C1GALT1: variants seen among roughly 807,000 people sequenced by gnomAD.
C1GALT1 encodes the protein core 1 synthase, glycoprotein-N-acetylgalactosamine 3-beta-galactosyltransferase 1.
Under a neutral mutation model 31.0 loss-of-function variants are expected in C1GALT1, and 11 were observed. That is an observed-to-expected ratio of 0.36 (90% CI 0.22 to 0.59). The LOEUF (loss-of-function observed/expected upper bound fraction) is 0.59. C1GALT1 is among the 20% of genes least tolerant of loss of function. The pLI, the probability that C1GALT1 is intolerant of heterozygous loss-of-function variation, is 0.79. For missense variants in C1GALT1, 424 were observed against 425.2 expected (o/e 1.00, Z 0.03); for synonymous variants, 175 against 143.6 (o/e 1.22, Z -1.56).
At chr7:7,234,161 A>G (rs1783224410) in intron 1 of C1GALT1, 142 bp from the exon 2 acceptor site, 3 of 643,964 alleles carry the variant, frequency 4.7e-6, no homozygotes, top group East Asian at 5.5e-5. Context: ...TTTAGCAGCA[A>G]ATAGAGGGGT....
chr7:7,230,166 T>C (rs1207755746), intron 1 of C1GALT1, among the ~76,000 whole-genome samples: 1 of 152,204 alleles, frequency 6.6e-6, no homozygotes, highest in Non-Finnish European at 1.5e-5. Flanking sequence ...ATTTTACTTG[T>C]AGATTTTGGG....
At position 7,207,335 on chromosome 7, in the gene C1GALT1, C is replaced by CTTTTTTT. The variant is rs57510429; in HGVS notation, c.-18+24539_-18+24545dup. Reference sequence around the variant, plus strand: ...TCTCTGTGTTTCTCTTACTCTGTTGCTTTTTTTTTTTTTTTTTTTTTTTTT... The same window carrying CTTTTTTT: ...TCTCTGTGTTTCTCTTACTCTGTTGCTTTTTTTTTTTTTTTTTTTTTTTTTTTTTTTT... On this transcript the variant is annotated intron_variant, in intron 1 of 3. Transcript: ENST00000436587. Among the ~76,000 whole-genome samples, 436 of 48,016 alleles carry CTTTTTTT rather than the reference C, an allele frequency of 9.1e-3. 166 individuals carry two copies. Among genetic ancestry groups the CTTTTTTT allele is most frequent in the Non-Finnish European group, 0.012 (318 of 26,076 alleles). 31.5% of individuals were successfully genotyped at this position (48,016 alleles called of 152,430 possible). A position where few individuals can be genotyped will look rare whatever the true frequency, so the allele number is the denominator to read the frequency against.
intron 1 of C1GALT1, among the ~76,000 whole-genome samples, chr7:7,208,385 G>A (rs372045808): frequency 2.4e-4 from 37 of 152,230 alleles, no homozygotes; most frequent in African/African-American, 8.2e-4. Flanking sequence ...AACATAGTAC[G>A]TGTAAGGTTC....
At chr7:7,208,524 TGA>T (rs1562574681) in intron 1 of C1GALT1, among the ~76,000 whole-genome samples, 1 of 152,044 alleles carries the variant, frequency 6.6e-6, no homozygotes, top group Non-Finnish European at 1.5e-5. Flanking sequence ...CCTCAGTCCT[TGA>T]TGTTTGGCTC....
intron 1 of C1GALT1, among the ~76,000 whole-genome samples, chr7:7,202,959 G>A (rs1430263644): frequency 6.6e-6 from 1 of 151,882 alleles, no homozygotes; most frequent in Non-Finnish European, 1.5e-5. Flanking sequence ...AATTCCTAAG[G>A]TTTCTTTTTT....
chr7:7,163,740 C>A (rs1383225376), intron 2 of C1GALT1, among the ~76,000 whole-genome samples: 3 of 152,114 alleles, frequency 2.0e-5, no homozygotes, highest in South Asian at 2.1e-4. Flanking sequence ...AATAAAATAC[C>A]TAGGAATCCA....
chr7:7,205,495 A>G (rs998891032), intron 1 of C1GALT1, among the ~76,000 whole-genome samples: 4 of 152,176 alleles, frequency 2.6e-5, no homozygotes, highest in Admixed American at 6.5e-5. Context: ...TGTCGTCTTC[A>G]CATTGGGTTG....
At chr7:7,192,063 CTT>C (rs963403650) in intron 1 of C1GALT1, among the ~76,000 whole-genome samples, 1 of 151,790 alleles carries the variant, frequency 6.6e-6, no homozygotes, top group Non-Finnish European at 1.5e-5. Context: ...TCATGAAGCT[CTT>C]TTGTTCAATG....
chr7:7,180,953 G>A (rs1780570725), upstream of C1GALT1, among the ~76,000 whole-genome samples: 2 of 152,076 alleles, frequency 1.3e-5, no homozygotes, highest in African/African-American at 4.8e-5. Flanking sequence ...CAGGGTGGGG[G>A]CAGGGCTGAT....
intron 2 of C1GALT1, among the ~76,000 whole-genome samples, chr7:7,162,886 A>G (rs1395045220): frequency 6.6e-6 from 1 of 152,024 alleles, no homozygotes; most frequent in Non-Finnish European, 1.5e-5. Context: ...GCATTTTTTC[A>G]TGTGTTTTTT....
chr7:7,174,522 T>A (rs1358013115), intron 2 of C1GALT1, among the ~76,000 whole-genome samples: 2 of 151,968 alleles, frequency 1.3e-5, no homozygotes, highest in Non-Finnish European at 1.5e-5. Flanking sequence ...GGTGGGAGGA[T>A]TACAAGCTCA....
chr7:7,200,730 CTT>C (rs564680480), intron 1 of C1GALT1, among the ~76,000 whole-genome samples: 28 of 152,250 alleles, frequency 1.8e-4, no homozygotes, highest in African/African-American at 6.7e-4. Flanking sequence ...TCTCTTCTCT[CTT>C]CATTTCATTC....
intron 1 of C1GALT1, among the ~76,000 whole-genome samples, chr7:7,183,348 C>G (rs899612650): frequency 6.6e-6 from 1 of 152,162 alleles, no homozygotes; most frequent in Non-Finnish European, 1.5e-5. Context: ...CGAGCGGGCT[C>G]CTTCCAGAGG....
intron 2 of C1GALT1, chr7:7,235,327 C>A (rs933283367): frequency 8.5e-5 from 13 of 152,128 alleles, no homozygotes; most frequent in African/African-American, 3.1e-4. Flanking sequence ...CTTCTCTTCT[C>A]AGTAGTAAAT....
rs1188419855 is a variant in C1GALT1 at position 7,238,674 on chromosome 7, G to C, written c.640G>C (p.Val214Leu). ...CTACATGAGTGGAGGAGCAGGATAT[G>C]TACTAAGCAAAGAAGCCTTGAAAAG... Reference protein sequence around the residue: ...QGYMSGGAGYVLSKEALKRFV... With the variant: ...QGYMSGGAGYLLSKEALKRFV... The change falls in exon 3 of 4, where the codon GTA (valine) becomes CTA (leucine). Residue 214 changes from valine to leucine, a missense_variant. Physicochemically the swap from Val to Leu is conservative, Grantham distance 32 (BLOSUM62 1). Around this residue, in one of 3 missense-constraint regions of C1GALT1, gnomAD observed 191 missense variants for 188.8 expected, o/e 1.01. Coordinates refer to ENST00000436587, the MANE Select transcript of C1GALT1 (RefSeq NM_020156.5). The surrounding 1 kb of genome is among the most constrained non-coding windows in gnomAD (Gnocchi z 5.2). The C allele has an allele frequency of 6.2e-6, 10 of 1,613,976 alleles. No homozygotes were observed. Among genetic ancestry groups the C allele is most frequent in the Non-Finnish European group, 6.8e-6 (8 of 1,179,968 alleles).
chr7:7,212,689 A>G (rs1354882440), intron 1 of C1GALT1, among the ~76,000 whole-genome samples: 1 of 152,128 alleles, frequency 6.6e-6, no homozygotes, highest in African/African-American at 2.4e-5. Flanking sequence ...TGGTGGAGTC[A>G]GGAGCAATTT....
chr7:7,186,390 A>T (rs1021809733), intron 1 of C1GALT1, among the ~76,000 whole-genome samples: 1 of 152,174 alleles, frequency 6.6e-6, no homozygotes, highest in Non-Finnish European at 1.5e-5. Flanking sequence ...GTCCTCATGG[A>T]GCTTACATTC....
In C1GALT1 at chr7:7,244,639, G is replaced by T. The variant is rs532163315; in HGVS notation, c.*912G>T. The T allele has an allele frequency of 6.6e-6, 1 of 152,138 alleles. No individual in the cohort carries two copies. The highest frequency in any genetic ancestry group is 1.9e-4 in the East Asian group (1 of 5,176). The allele number at this position is 152,138 out of a possible 1,614,324, so 9.4% of individuals were successfully genotyped here. The stretch of plus-strand genomic sequence containing the variant: ...GAATTACTAAGTGACATTTTAAATT[G>T]ATATTTTAAACTCTTTCCAACTACA... On this transcript the variant is annotated 3_prime_UTR_variant, in exon 4 of 4. Transcript: ENST00000436587.
At chr7:7,197,962 A>G (rs1393487342) in intron 1 of C1GALT1, among the ~76,000 whole-genome samples, 4 of 152,348 alleles carry the variant, frequency 2.6e-5, no homozygotes, top group Non-Finnish European at 5.9e-5. Flanking sequence ...TTCTAAATAC[A>G]CAATCATGTC....
Sources: gnomAD v4.1 joint callset for allele counts (sites outside exome capture counted in the v4.1 genomes callset) on GRCh38, gnomAD v4.1.1 for gene constraint, gnomAD v4.1.1 regional missense constraint, Gnocchi (gnomAD v3.1) non-coding constraint, MANE v1.5 for transcripts, NCBI Gene and HGNC (gene_info 2026-07-23, HGNC 2026-07-21) for gene names.